ST3GAL3: variants seen among roughly 807,000 people sequenced by gnomAD.
ST3GAL3 encodes ST3 beta-galactoside alpha-2,3-sialyltransferase 3.
Under a neutral mutation model 50.1 loss-of-function variants are expected in ST3GAL3, and 21 were observed. That is an observed-to-expected ratio of 0.42 (90% confidence interval 0.30 to 0.60). The LOEUF (loss-of-function observed/expected upper bound fraction) is 0.60. ST3GAL3 is among the 20% of genes least tolerant of loss of function. The pLI is 0.19. For missense variants in ST3GAL3, 353 were observed against 489.4 expected, an observed-to-expected ratio of 0.72 and a Z score of 2.63; for synonymous variants, 183 against 190.0, an observed-to-expected ratio of 0.96 and a Z score of 0.30.
At position 43,894,424 on chromosome 1, in the gene ST3GAL3, G is replaced by C. The variant is rs767108992; in HGVS notation, c.344G>C (p.Arg115Pro). 1 of 1,613,974 alleles carries C rather than the reference G, an allele frequency of 6.2e-7. No homozygotes were observed. Among genetic ancestry groups the C allele is most frequent in the African/African-American group, 1.3e-5 (1 of 74,878 alleles). The change falls in exon 6 of 12, where the codon CGC becomes CCC. Residue 115 changes from arginine to proline, a missense_variant. Transcript: ENST00000347631. ...CCCATGTTCCTGGATGACTCCTTTC[G>C]CAAGTGGGCTAGAATCCGGGAGTTC... ...PAPMFLDDSF[R>P]KWARIREFVP... is the part of the protein sequence containing the mutation.
chr1:43,920,769 C>T lies in ST3GAL3; in HGVS notation c.892-13C>T. 2 of 1,614,160 alleles carry T rather than the reference C, an allele frequency of 1.2e-6. No homozygotes were observed. The highest frequency in any genetic ancestry group is 1.7e-6 in the Non-Finnish European group (2 of 1,180,014). ...TCTGCATGCCTTCTCTCACCCCTGCCCCCGTCTTCTAGAACATCCCTACCC... is the reference window on the plus strand; with the variant it reads ...TCTGCATGCCTTCTCTCACCCCTGCTCCCGTCTTCTAGAACATCCCTACCC... On this transcript the variant is annotated splice_polypyrimidine_tract_variant and intron_variant, in intron 10 of 11. Transcript: ENST00000347631.
intron 2 of ST3GAL3, among the ~76,000 whole-genome samples, chr1:43,774,905 A>G (rs1696604398): frequency 6.6e-6 from 1 of 152,206 alleles, no homozygotes; most frequent in African/African-American, 2.4e-5. Flanking sequence ...AACATTAAAC[A>G]CAGGTAAACC....
chr1:43,787,342 C>T lies in ST3GAL3; in HGVS notation c.119-4760C>T, dbSNP rs114556709. Among the ~76,000 whole-genome samples, 655 of 152,336 alleles carry T rather than the reference C, an allele frequency of 4.3e-3. 6 individuals are homozygous for T. The highest frequency in any genetic ancestry group is 0.015 in the African/African-American group (628 of 41,570). ...GCTCTGTTCCTTGCAAAGCAAACTT[C>T]TCAATTTGTTGAATACTAAGTTTTC... On this transcript the variant is annotated intron_variant, in intron 2 of 11. Coordinates refer to ENST00000347631, the MANE Select transcript of ST3GAL3 (RefSeq NM_006279.5).
chr1:43,756,117 AAG>A lies in ST3GAL3; in HGVS notation c.118+19739_118+19740del, dbSNP rs1491030960. Among the ~76,000 whole-genome samples the A allele has an allele frequency of 1.1e-3, 103 of 91,224 alleles. 2 individuals carry two copies. Among genetic ancestry groups the A allele is most frequent in the African/African-American group, 2.8e-3 (93 of 33,084 alleles). 59.8% of individuals were successfully genotyped at this position (91,224 alleles called of 152,430 possible). A position where few individuals can be genotyped will look rare whatever the true frequency, so the allele number is the denominator to read the frequency against. ...ACCAGTCTCAAAAAAAAAAAAAAAA[AAG>A]AAGAAGAAGAAAAGAAAAGGAAAGG... On this transcript the variant is annotated intron_variant, in intron 2 of 11. Transcript: ENST00000347631.
rs139188647 is a variant in ST3GAL3, at chr1:43,869,114, G to A, written c.303-25269G>A. Among the ~76,000 whole-genome samples the A allele has an allele frequency of 2.8e-3, 430 of 152,160 alleles. 2 individuals are homozygous for A. Among genetic ancestry groups the A allele is most frequent in the African/African-American group, 0.01 (415 of 41,500 alleles). On this transcript the variant is annotated intron_variant, in intron 5 of 11. Coordinates refer to ENST00000347631, the MANE Select transcript of ST3GAL3 (RefSeq NM_006279.5). ...CTTGGTGGTTCTAGAACCCTGTATCGTGGAATCATGGAGATTACCTAGTCC... is the reference window on the plus strand; with the variant it reads ...CTTGGTGGTTCTAGAACCCTGTATCATGGAATCATGGAGATTACCTAGTCC...
intron 3 of ST3GAL3, among the ~76,000 whole-genome samples, chr1:43,812,197 A>G (rs1008385220): frequency 2.6e-5 from 4 of 152,150 alleles, no homozygotes; most frequent in Admixed American, 6.5e-5. Flanking sequence ...CCATTTGCCA[A>G]TGTTTATAAA....
At chr1:43,883,314 C>G (rs1471209845) in intron 5 of ST3GAL3, among the ~76,000 whole-genome samples, 3 of 152,126 alleles carry the variant, frequency 2.0e-5, no homozygotes, top group Admixed American at 6.6e-5. Flanking sequence ...CCTGATTGGT[C>G]AGCCCAGACA....
At position 43,926,521 on chromosome 1, in the gene ST3GAL3, AGAGGTTGCAGTGAGCC is replaced by A. The variant is rs373305127; in HGVS notation, c.1039-3591_1039-3576del. Among the ~76,000 whole-genome samples, 426 of 151,946 alleles carry A rather than the reference AGAGGTTGCAGTGAGCC, an allele frequency of 2.8e-3. 2 individuals are homozygous for A. The highest frequency in any genetic ancestry group is 9.9e-3 in the African/African-American group (412 of 41,476). ...GGAGAATCGCTTGAACTCGGGAGGC[AGAGGTTGCAGTGAGCC>A]GAGGTTGCAGTGAGCCGAGATTGCA... On this transcript the variant is annotated intron_variant, in intron 11 of 11. Transcript: ENST00000347631.
chr1:43,893,213 CT>C (rs1480895644), intron 5 of ST3GAL3, among the ~76,000 whole-genome samples: 2 of 152,232 alleles, frequency 1.3e-5, no homozygotes. Context: ...GAAATCCATG[CT>C]GTGGTTGCTT....
At chr1:43,724,550 A>G (rs962834446) in intron 1 of ST3GAL3, among the ~76,000 whole-genome samples, 2 of 152,150 alleles carry the variant, frequency 1.3e-5, no homozygotes, top group African/African-American at 2.4e-5. Context: ...TTGAGGCACT[A>G]TGCTGATAAA....
intron 4 of ST3GAL3, among the ~76,000 whole-genome samples, chr1:43,827,648 G>A (rs1376296033): frequency 3.3e-5 from 5 of 151,968 alleles, no homozygotes; most frequent in South Asian, 2.1e-4. Flanking sequence ...GACTACAGGC[G>A]TGCGCTACCA....
intron 5 of ST3GAL3, among the ~76,000 whole-genome samples, chr1:43,850,079 A>G (rs1246900774): frequency 6.6e-6 from 1 of 152,260 alleles, no homozygotes; most frequent in East Asian, 1.9e-4. Context: ...CCAGGTTCAA[A>G]TTAAAAACCT....
intron 11 of ST3GAL3, chr1:43,921,300 T>C (rs568078301): frequency 1.7e-4 from 86 of 514,848 alleles, no homozygotes; most frequent in African/African-American, 1.4e-3. Flanking sequence ...TCTCAGGACT[T>C]CTCCATATCT....
chr1:43,771,965 G>T, intron 2 of ST3GAL3: 1 of 397,718 alleles, frequency 2.5e-6, no homozygotes, highest in Non-Finnish European at 4.4e-6. Flanking sequence ...GAAGTTAAAA[G>T]GAAAAATAAG....
chr1:43,744,535 C>A (rs754860546), intron 2 of ST3GAL3, among the ~76,000 whole-genome samples: 9 of 151,934 alleles, frequency 5.9e-5, no homozygotes, highest in African/African-American at 9.7e-5. Context: ...GCCACCACAC[C>A]TGGCGGCATC....
At chr1:43,882,966 TA>T (rs369384408) in intron 5 of ST3GAL3, among the ~76,000 whole-genome samples, 29 of 44,982 alleles carry the variant, frequency 6.4e-4, no homozygotes, top group South Asian at 1.3e-3. Context: ...TTTATTTATT[TA>T]TTTATTTATT....
intron 2 of ST3GAL3, among the ~76,000 whole-genome samples, chr1:43,743,958 A>T (rs1169287061): frequency 1.3e-5 from 2 of 151,374 alleles, no homozygotes; most frequent in Non-Finnish European, 2.9e-5. Context: ...CATCAAATGG[A>T]TATGGGATGG....
intron 3 of ST3GAL3, among the ~76,000 whole-genome samples, chr1:43,806,982 TG>T (rs1163804079): frequency 1.3e-5 from 2 of 152,212 alleles, no homozygotes; most frequent in Non-Finnish European, 2.9e-5. Context: ...TCAGCCACTG[TG>T]CCCGGTAGGG....
chr1:43,920,539 A>G lies in ST3GAL3; in HGVS notation c.880A>G (p.Met294Val), dbSNP rs1186972035. The G allele has an allele frequency of 6.2e-7, 1 of 1,613,156 alleles. No homozygotes were observed. Among genetic ancestry groups the G allele is most frequent in the Admixed American group, 1.7e-5 (1 of 59,966 alleles). The change falls in exon 10 of 12, where the codon ATG becomes GTG. Residue 294 changes from methionine to valine, a missense_variant. Coordinates refer to ENST00000347631, the MANE Select transcript of ST3GAL3 (RefSeq NM_006279.5). ...TGGCCTGCCCTTCAACAATGGCCTC[A>G]TGGGCCGGGGGGTGAGATATCTGGG... Reference protein sequence around the residue: ...LIGLPFNNGLMGRGNIPTLGS... With the variant: ...LIGLPFNNGLVGRGNIPTLGS...
Sources: gnomAD v4.1 joint callset for allele counts (sites outside exome capture counted in the v4.1 genomes callset) on GRCh38, gnomAD v4.1.1 for gene constraint, MANE v1.5 for transcripts, NCBI Gene and HGNC (gene_info 2026-07-23, HGNC 2026-07-21) for gene names.